The following NHSL1 variants were observed in gnomAD, a reference collection of about 807,000 sequenced individuals.
NHSL1 encodes NHS-like protein 1.
A neutral mutation model predicts 95.0 loss-of-function variants in NHSL1; 48 were observed. The observed-to-expected ratio is 0.51, with a 90% CI of 0.40 to 0.64. The LOEUF (loss-of-function observed/expected upper bound fraction) is 0.64. NHSL1 is among the 30% of genes least tolerant of loss of function. The pLI, the probability that NHSL1 is intolerant of heterozygous loss-of-function variation, is 0.00. For missense variants in NHSL1, 1,971 were observed against 2,077.7 expected, an observed-to-expected ratio of 0.95 and a Z score of 1.00; for synonymous variants, 783 against 833.9, an observed-to-expected ratio of 0.94 and a Z score of 1.05.
chr6:138,504,021 A>G (rs890387466), upstream of NHSL1, among the ~76,000 whole-genome samples: 1 of 152,072 alleles, frequency 6.6e-6, no homozygotes, highest in African/African-American at 2.4e-5. Context: ...GCTTGAGGCC[A>G]GGTGTTCAAT....
At chr6:138,596,884 ACTCT>A (rs752618030) in intron 1 of NHSL1, among the ~76,000 whole-genome samples, 34 of 151,526 alleles carry the variant, frequency 2.2e-4, no homozygotes, top group African/African-American at 7.8e-4. Context: ...TGACAGAAAA[ACTCT>A]CTCAAGCAGA....
intron 3 of NHSL1, among the ~76,000 whole-genome samples, chr6:138,447,939 T>C (rs12528798): frequency 0.063 from 9,582 of 152,240 alleles, 795 homozygotes; most frequent in East Asian, 0.36. Context: ...TCAAAGGACA[T>C]TTCAAAAATG....
intron 4 of NHSL1, among the ~76,000 whole-genome samples, chr6:138,445,972 C>T (rs1199764014): frequency 6.6e-6 from 1 of 152,072 alleles, no homozygotes; most frequent in Non-Finnish European, 1.5e-5. Context: ...TTTGTGCCCT[C>T]CCCAAACCAC....
intron 3 of NHSL1, chr6:138,464,215 G>A: frequency 2.6e-6 from 2 of 771,524 alleles, no homozygotes; most frequent in Admixed American, 2.1e-5. Context: ...CTGAGAGGCT[G>A]CTGGCCGCCA....
At chr6:138,530,426 A>T (rs1328053915) in intron 1 of NHSL1, among the ~76,000 whole-genome samples, 5 of 152,224 alleles carry the variant, frequency 3.3e-5, no homozygotes, top group African/African-American at 1.2e-4. Context: ...CCACTATTGG[A>T]TATCTACCCA....
At chr6:138,519,049 AATAC>A (rs1197099916) in intron 1 of NHSL1, among the ~76,000 whole-genome samples, 24 of 151,482 alleles carry the variant, frequency 1.6e-4, no homozygotes, top group Admixed American at 9.9e-4. Context: ...TAAATAAATA[AATAC>A]ATACATACAT....
chr6:138,637,324 CA>C (rs1784900818), intron 1 of NHSL1, among the ~76,000 whole-genome samples: 1 of 152,140 alleles, frequency 6.6e-6, no homozygotes, highest in South Asian at 2.1e-4. Flanking sequence ...CCTTCCAGAA[CA>C]TTGGTCTGAG....
chr6:138,588,743 G>T (rs964849168), intron 1 of NHSL1, among the ~76,000 whole-genome samples: 1 of 152,210 alleles, frequency 6.6e-6, no homozygotes, highest in South Asian at 2.1e-4. Flanking sequence ...GAAAGCTCTA[G>T]AGAAGAGGAA....
At chr6:138,523,701 A>T (rs1386471461) in intron 1 of NHSL1, among the ~76,000 whole-genome samples, 1 of 151,388 alleles carries the variant, frequency 6.6e-6, no homozygotes, top group East Asian at 1.9e-4. Context: ...ACACAGGGGA[A>T]TTCTTGGTTG....
At chr6:138,507,306 G>C (rs1344378580) in intron 1 of NHSL1, among the ~76,000 whole-genome samples, 1 of 152,104 alleles carries the variant, frequency 6.6e-6, no homozygotes, top group Non-Finnish European at 1.5e-5. Flanking sequence ...TAAAAGAGCT[G>C]GAAGAAAAAG....
At chr6:138,469,857 G>A (rs186880519) in intron 3 of NHSL1, among the ~76,000 whole-genome samples, 129 of 152,236 alleles carry the variant, frequency 8.5e-4, no homozygotes, top group Middle Eastern at 3.4e-3. Context: ...AATTGGCTAC[G>A]TTATAGTGGG....
At chr6:138,678,803 C>A (rs1785478561) in intron 1 of NHSL1, among the ~76,000 whole-genome samples, 1 of 152,128 alleles carries the variant, frequency 6.6e-6, no homozygotes, top group Non-Finnish European at 1.5e-5. Flanking sequence ...TAGTAAGTAT[C>A]CTATAAGTGT....
At chr6:138,632,200 C>T (rs980212380) in intron 1 of NHSL1, among the ~76,000 whole-genome samples, 3 of 152,194 alleles carry the variant, frequency 2.0e-5, no homozygotes, top group African/African-American at 7.2e-5. Context: ...AGTTGAGCCA[C>T]AGTATATTAG....
intron 2 of NHSL1, among the ~76,000 whole-genome samples, chr6:138,476,989 A>G (rs770461147): frequency 2.0e-5 from 3 of 150,392 alleles, no homozygotes; most frequent in Non-Finnish European, 4.4e-5. Context: ...AAAAGACTCA[A>G]GTTCAATAGT....
chr6:138,465,724 C>CTTTTTTTTTTTTTT (rs61271607), intron 3 of NHSL1, among the ~76,000 whole-genome samples: 1 of 132,832 alleles, frequency 7.5e-6, no homozygotes, highest in Non-Finnish European at 1.6e-5. Flanking sequence ...TTTTTCTTTT[C>CTTTTTTTTTTTTTT]TTTTTTTTTT....
chr6:138,632,748 A>C (rs1784835846), intron 1 of NHSL1, among the ~76,000 whole-genome samples: 1 of 152,128 alleles, frequency 6.6e-6, no homozygotes, highest in African/African-American at 2.4e-5. Context: ...GCATTGGTAC[A>C]TCAAGCCCAG....
At chr6:138,594,064 T>C (rs921989757) in intron 1 of NHSL1, among the ~76,000 whole-genome samples, 1 of 152,304 alleles carries the variant, frequency 6.6e-6, no homozygotes, top group Non-Finnish European at 1.5e-5. Flanking sequence ...TTCCCAGCCT[T>C]TGACATGCTA....
At chr6:138,495,712 C>T (rs996495907) in intron 2 of NHSL1, among the ~76,000 whole-genome samples, 18 of 152,234 alleles carry the variant, frequency 1.2e-4, no homozygotes, top group African/African-American at 4.1e-4. Context: ...TGTGTATTAT[C>T]CCATTTTCAC....
intron 3 of NHSL1, among the ~76,000 whole-genome samples, chr6:138,458,249 A>C (rs1228383535): frequency 1.3e-5 from 2 of 152,208 alleles, no homozygotes; most frequent in Non-Finnish European, 2.9e-5. Flanking sequence ...TTGCACATTC[A>C]GCTGCCACAA....
Sources: gnomAD v4.1 joint callset for allele counts (sites outside exome capture counted in the v4.1 genomes callset) on GRCh38, gnomAD v4.1.1 for gene constraint, MANE v1.5 for transcripts, NCBI Gene and HGNC (gene_info 2026-07-23, HGNC 2026-07-21) for gene names.